The following SEMA6D variants were observed in gnomAD, a reference collection of about 807,000 sequenced individuals.
SEMA6D encodes the protein semaphorin 6D.
In SEMA6D, 35 loss-of-function variants were observed where a neutral mutation model predicts 106.6. The observed-to-expected ratio is 0.33, with a 90% CI of 0.25 to 0.44. The LOEUF is 0.44. Among genes scored for constraint, SEMA6D ranks in the 20% least tolerant of loss-of-function variants. The pLI, the probability that SEMA6D is intolerant of heterozygous loss-of-function variation, is 1.00. For missense variants in SEMA6D, 1,185 were observed against 1,345.9 expected, an observed-to-expected ratio of 0.88 and a Z score of 1.87; for synonymous variants, 499 against 487.7, an observed-to-expected ratio of 1.02 and a Z score of -0.31.
intron 3 of SEMA6D, among the ~76,000 whole-genome samples, chr15:47,577,620 C>T (rs531456133): frequency 1.8e-4 from 27 of 152,326 alleles, no homozygotes; most frequent in African/African-American, 6.5e-4. Context: ...TTATGCCTCA[C>T]AGTCCAGGGA....
At chr15:47,245,428 A>G (rs1032191539) in intron 1 of SEMA6D, among the ~76,000 whole-genome samples, 2 of 152,142 alleles carry the variant, frequency 1.3e-5, no homozygotes, top group African/African-American at 4.8e-5. Flanking sequence ...TGGTCCCTCA[A>G]CACCATCCAT....
At chr15:47,324,771 C>T (rs778978009) in intron 1 of SEMA6D, among the ~76,000 whole-genome samples, 8 of 151,112 alleles carry the variant, frequency 5.3e-5, no homozygotes, top group South Asian at 2.1e-4. Flanking sequence ...TAGTAATGTA[C>T]GCTATTATAC....
chr15:47,373,738 T>C (rs2039356393), intron 1 of SEMA6D, among the ~76,000 whole-genome samples: 1 of 152,238 alleles, frequency 6.6e-6, no homozygotes. Context: ...TGGTGATGTT[T>C]CCTGGCAAAT....
chr15:47,215,462 A>T (rs1334238222), intron 1 of SEMA6D, among the ~76,000 whole-genome samples: 2 of 152,154 alleles, frequency 1.3e-5, no homozygotes, highest in Admixed American at 6.6e-5. Flanking sequence ...TAACACAAAT[A>T]TGCTATTAAT....
At position 47,227,419 on chromosome 15, in the gene SEMA6D, C is replaced by CTCTCTCTTTCTTTCTTTCTTTCTT. The variant is rs141918693; in HGVS notation, c.-239+43004_-239+43005insCTCTTTCTTTCTTTCTTTCTTTCT. Among the ~76,000 whole-genome samples the CTCTCTCTTTCTTTCTTTCTTTCTT allele has an allele frequency of 4.7e-3, 541 of 115,424 alleles. 16 individuals are homozygous for CTCTCTCTTTCTTTCTTTCTTTCTT. The South Asian group carries it at 0.049, about 10-fold the overall frequency. The allele number at this position is 115,424 out of a possible 152,430, so 75.7% of individuals were successfully genotyped here. On this transcript the variant is annotated intron_variant, in intron 1 of 19. Transcript: ENST00000558014. Reference sequence around the variant, plus strand: ...TTCTACCTTATGTCTTTCTTTCTTTCTCTTTCTTTCTTTCTTTCTTTTCTT... The same window carrying CTCTCTCTTTCTTTCTTTCTTTCTT: ...TTCTACCTTATGTCTTTCTTTCTTTCTCTCTCTTTCTTTCTTTCTTTCTTTCTTTCTTTCTTTCTTTCTTTTCTT...
chr15:47,316,097 ATT>A (rs2036661004), intron 1 of SEMA6D, among the ~76,000 whole-genome samples: 2 of 20,228 alleles, frequency 9.9e-5, no homozygotes, highest in Admixed American at 6.6e-4. Context: ...TATGCCATTT[ATT>A]TCCTTTTTTT....
chr15:47,686,435 A>G lies in SEMA6D; in HGVS notation c.-54-73310A>G, dbSNP rs541941653. Among the ~76,000 whole-genome samples the G allele has an allele frequency of 4.6e-5, 7 of 152,354 alleles. No individual in the cohort carries two copies. In the East Asian group the frequency reaches 1.2e-3, roughly 25 times the overall value. On this transcript the variant is annotated intron_variant, in intron 4 of 19. Transcript: ENST00000558014. ...AAAAATGTTCAAAGGAAAAATATAT[A>G]TGATTACATGGTATGACCTTCTGCA...
At chr15:47,272,375 T>C (rs1028762223) in intron 1 of SEMA6D, among the ~76,000 whole-genome samples, 4 of 152,140 alleles carry the variant, frequency 2.6e-5, no homozygotes, top group African/African-American at 9.7e-5. Flanking sequence ...GGTTGCAAAA[T>C]AGCACAAAGA....
rs2082202490 is a variant in SEMA6D at position 47,764,035 on chromosome 15, T to C, written c.933T>C (p.Thr311=). 6.2e-7 allele frequency: 1 copy of C among 1,613,786 alleles called. No homozygotes were observed. The highest frequency in any genetic ancestry group is 1.3e-5 in the African/African-American group (1 of 74,890). Reference sequence around the variant, plus strand: ...TAATACAAATCAATGGCATCCCCACTGTGGTCGGGGTGTTTACCACGCAGC... The same window carrying C: ...TAATACAAATCAATGGCATCCCCACCGTGGTCGGGGTGTTTACCACGCAGC... ...TDIIQINGIP[T]VVGVFTTQLN... is the part of the protein sequence containing the mutation. The change falls in exon 10 of 19, where the codon ACT becomes ACC. Residue 311 remains threonine (T), a synonymous_variant. Coordinates refer to ENST00000536845, the MANE Select transcript of SEMA6D (RefSeq NM_001358351.3).
intron 2 of SEMA6D, among the ~76,000 whole-genome samples, chr15:47,459,011 T>C: frequency 6.6e-6 from 1 of 152,192 alleles, no homozygotes; most frequent in East Asian, 1.9e-4. Context: ...ATGGGACCTG[T>C]GACTTGCTTC....
At chr15:47,330,174 C>G (rs1279970068) in intron 1 of SEMA6D, among the ~76,000 whole-genome samples, 1 of 152,044 alleles carries the variant, frequency 6.6e-6, no homozygotes, top group Non-Finnish European at 1.5e-5. Flanking sequence ...TTCTTTTTTT[C>G]TCTCTTGGTC....
intron 1 of SEMA6D, among the ~76,000 whole-genome samples, chr15:47,749,362 T>G (rs1285041926): frequency 3.3e-5 from 5 of 152,280 alleles, no homozygotes; most frequent in Non-Finnish European, 5.9e-5. Context: ...ATTACAGACG[T>G]GAGCCACTGC....
intron 3 of SEMA6D, among the ~76,000 whole-genome samples, chr15:47,566,867 G>A (rs550559197): frequency 1.3e-5 from 2 of 152,252 alleles, no homozygotes; most frequent in African/African-American, 4.8e-5. Flanking sequence ...GGGGAGTTCT[G>A]AAGGAAGACG....
intron 3 of SEMA6D, among the ~76,000 whole-genome samples, chr15:47,523,664 A>G (rs898659604): frequency 2.0e-5 from 3 of 152,182 alleles, no homozygotes; most frequent in African/African-American, 4.8e-5. Flanking sequence ...TCCACCATCT[A>G]TTTTTGAAAG....
chr15:47,342,537 ATTG>A (rs1296083701), intron 1 of SEMA6D, among the ~76,000 whole-genome samples: 2 of 152,198 alleles, frequency 1.3e-5, no homozygotes, highest in Non-Finnish European at 2.9e-5. Flanking sequence ...TCAAATGGTT[ATTG>A]TTTTAAAAAT....
intron 2 of SEMA6D, among the ~76,000 whole-genome samples, chr15:47,428,092 AAAG>A (rs937623757): frequency 4.6e-5 from 7 of 152,130 alleles, no homozygotes; most frequent in Non-Finnish European, 1.0e-4. Flanking sequence ...AAATGTAAAA[AAAG>A]AGAGAAGAAG....
At chr15:47,710,910 C>T (rs1158668425) in intron 4 of SEMA6D, among the ~76,000 whole-genome samples, 1 of 152,158 alleles carries the variant, frequency 6.6e-6, no homozygotes, top group Non-Finnish European at 1.5e-5. Flanking sequence ...TTCTAGAAGA[C>T]AGCCACCAAG....
At position 47,764,080 on chromosome 15, in the gene SEMA6D, C is replaced by A. The variant is rs781190828; in HGVS notation, c.965+13C>A. ...CGCAGCTCAATAGGTGAGAGCAGAA[C>A]CCCGGCACTGCAAAGATATTCTCTG... On this transcript the variant is annotated intron_variant, in intron 10 of 18. Coordinates refer to ENST00000536845, the MANE Select transcript of SEMA6D (RefSeq NM_001358351.3). 1 of 1,613,608 alleles carries A rather than the reference C, an allele frequency of 6.2e-7. No individual in the cohort carries two copies. Among genetic ancestry groups the A allele is most frequent in the East Asian group, 2.2e-5 (1 of 44,850 alleles).
chr15:47,315,865 C>T (rs2036648403), intron 1 of SEMA6D, among the ~76,000 whole-genome samples: 1 of 151,982 alleles, frequency 6.6e-6, no homozygotes, highest in Admixed American at 6.6e-5. Context: ...AATAGTATTG[C>T]ATTTTTAATT....
Sources: gnomAD v4.1 joint callset for allele counts (sites outside exome capture counted in the v4.1 genomes callset) on GRCh38, gnomAD v4.1.1 for gene constraint, MANE v1.5 for transcripts, NCBI Gene and HGNC (gene_info 2026-07-23, HGNC 2026-07-21) for gene names.